Variants in LRRIQ1 observed in about 807,000 individuals in gnomAD.
The protein encoded by LRRIQ1 is leucine-rich repeat- and IQ domain-containing protein 1.
Under a neutral mutation model 211.9 loss-of-function variants are expected in LRRIQ1, and 210 were observed. The observed-to-expected ratio is 0.99, with a 90% CI of 0.89 to 1.11. LRRIQ1 has a LOEUF of 1.11. Among genes scored for constraint, LRRIQ1 ranks in the 50% most tolerant of loss-of-function variants. The pLI, the probability that LRRIQ1 is intolerant of heterozygous loss-of-function variation, is 0.00. For synonymous variants in LRRIQ1, 699 were observed against 650.1 expected (o/e 1.08, Z -1.14); for missense variants, 2,136 against 1,939.5 (o/e 1.10, Z -1.90).
At chr12:85,268,577 T>G (rs1896470617), downstream of LRRIQ1, among the ~76,000 whole-genome samples, 1 of 151,962 alleles carries the variant, frequency 6.6e-6, no homozygotes, top group Non-Finnish European at 1.5e-5. Flanking sequence ...GAGAAAATTT[T>G]AGCTGTATTA....
intron 23 of LRRIQ1, among the ~76,000 whole-genome samples, chr12:85,158,895 T>G (rs1377659226): frequency 1.3e-5 from 2 of 151,718 alleles, no homozygotes; most frequent in African/African-American, 2.4e-5. Context: ...TTTTATTTAT[T>G]TATTCATTTT....
chr12:85,126,315 C>T (rs1245172883), intron 17 of LRRIQ1, among the ~76,000 whole-genome samples: 1 of 152,080 alleles, frequency 6.6e-6, no homozygotes, highest in Non-Finnish European at 1.5e-5. Flanking sequence ...GTTCGTGAAA[C>T]TTGCATGTGT....
chr12:85,056,356 G>T lies in LRRIQ1; in HGVS notation c.1563G>T (p.Leu521=). 1 of 1,591,854 alleles carries T rather than the reference G, an allele frequency of 6.3e-7. No individual in the cohort carries two copies. The highest frequency in any genetic ancestry group is 8.5e-7 in the Non-Finnish European group (1 of 1,174,268). ...GAAACTCTGATCTAAAAGGAAATCT[G>T]AAAGAACAGTTTCCATTGCAAGAAT... ...ELGNSDLKGN[L]KEQFPLQELK... is the part of the protein sequence containing the mutation. Residue 521 remains leucine (L), a synonymous_variant, in exon 8 of 27, where the codon CTG becomes CTT. Coordinates refer to ENST00000393217, the MANE Select transcript of LRRIQ1 (RefSeq NM_001079910.2).
intron 19 of LRRIQ1, among the ~76,000 whole-genome samples, chr12:85,151,057 T>G (rs1011843050): frequency 6.6e-6 from 1 of 151,472 alleles, no homozygotes; most frequent in South Asian, 2.1e-4. Context: ...AAAAGAGCTC[T>G]TGAATTTATT....
chr12:85,257,041 T>A (rs11837882), intron 1 of LRRIQ1, among the ~76,000 whole-genome samples: 1 of 114,130 alleles, frequency 8.8e-6, no homozygotes, highest in African/African-American at 3.5e-5. Context: ...ATATATATTA[T>A]ATAATTATAT....
chr12:85,223,164 G>C (rs1424189297), intron 24 of LRRIQ1, among the ~76,000 whole-genome samples: 1 of 152,154 alleles, frequency 6.6e-6, no homozygotes, highest in Non-Finnish European at 1.5e-5. Context: ...TTAAGATAGA[G>C]GTTGGTGATA....
intron 7 of LRRIQ1, among the ~76,000 whole-genome samples, chr12:85,053,812 A>G (rs1304352195): frequency 3.9e-5 from 6 of 152,108 alleles, no homozygotes; most frequent in Admixed American, 1.3e-4. Context: ...GGTTCACGCC[A>G]TTCTCCTGCC....
intron 18 of LRRIQ1, among the ~76,000 whole-genome samples, chr12:85,130,223 A>G (rs1888655090): frequency 6.6e-6 from 1 of 152,214 alleles, no homozygotes; most frequent in Admixed American, 6.5e-5. Flanking sequence ...AGAACAGTGC[A>G]TAGGCAAACC....
At chr12:85,266,000 A>C (rs1896409796), downstream of LRRIQ1, among the ~76,000 whole-genome samples, 1 of 152,048 alleles carries the variant, frequency 6.6e-6, no homozygotes, top group African/African-American at 2.4e-5. Context: ...AAACATAGTG[A>C]ATATTATGAA....
intron 19 of LRRIQ1, among the ~76,000 whole-genome samples, chr12:85,151,148 T>C (rs193121958): frequency 1.2e-4 from 18 of 151,566 alleles, no homozygotes; most frequent in African/African-American, 4.1e-4. Flanking sequence ...TATATATATG[T>C]ATATGTTAAT....
intron 24 of LRRIQ1, among the ~76,000 whole-genome samples, chr12:85,176,534 T>C (rs930461444): frequency 3.6e-5 from 5 of 137,872 alleles, no homozygotes; most frequent in African/African-American, 1.1e-4. Flanking sequence ...TAGGTGGGAA[T>C]TGAACAATGA....
chr12:85,116,395 C>T (rs1301808141), intron 15 of LRRIQ1, among the ~76,000 whole-genome samples: 2 of 152,112 alleles, frequency 1.3e-5, no homozygotes, highest in African/African-American at 2.4e-5. Flanking sequence ...CCGCCCGCCT[C>T]GGCCTCCCAA....
rs758047410 is a variant in LRRIQ1 at position 85,065,349 on chromosome 12, C to T, written c.2479C>T (p.Arg827Cys). 56 of 1,610,774 alleles carry T rather than the reference C, an allele frequency of 3.5e-5. No individual in the cohort carries two copies. The highest frequency in any genetic ancestry group is 4.0e-5 in the African/African-American group (3 of 74,670). The stretch of plus-strand genomic sequence containing the variant: ...AAATCTTCAGTTTCTATCCCTTCGA[C>T]GCTGTGGATTAACTTCTTTGCACAG... ...CTNLQFLSLR[R>C]CGLTSLHSLS... The change falls in exon 9 of 27, where the codon CGC (arginine) becomes TGC (cysteine). Residue 827 changes from arginine to cysteine, a missense_variant. Transcript: ENST00000393217.
chr12:85,079,274 GAGTCTCACTCTGTCTCGGCTTACTGCA>G (rs1884015809), intron 11 of LRRIQ1, among the ~76,000 whole-genome samples: 1 of 135,408 alleles, frequency 7.4e-6, no homozygotes, highest in African/African-American at 2.9e-5. Context: ...TTTTGAGATG[GAGTCTCACTCTGTCTCGGCTTACTGCA>G]AGCTCCGCCT....
At chr12:85,169,667 C>T (rs1891317260) in intron 24 of LRRIQ1, among the ~76,000 whole-genome samples, 1 of 152,104 alleles carries the variant, frequency 6.6e-6, no homozygotes, top group Non-Finnish European at 1.5e-5. Context: ...AGAACCTTTC[C>T]CTGTAACACT....
chr12:85,215,179 A>C (rs780228575), intron 24 of LRRIQ1, among the ~76,000 whole-genome samples: 1 of 152,194 alleles, frequency 6.6e-6, no homozygotes, highest in South Asian at 2.1e-4. Context: ...ACAAGAACCA[A>C]TGAAACTCAT....
chr12:85,165,784 A>G (rs1398445232), intron 24 of LRRIQ1, among the ~76,000 whole-genome samples: 1 of 151,984 alleles, frequency 6.6e-6, no homozygotes, highest in Non-Finnish European at 1.5e-5. Context: ...GATGCATTTT[A>G]ATGGCTCCAT....
intron 15 of LRRIQ1, among the ~76,000 whole-genome samples, chr12:85,119,108 C>T (rs771494064): frequency 7.9e-5 from 12 of 152,124 alleles, no homozygotes; most frequent in Non-Finnish European, 1.0e-4. Flanking sequence ...CATGTATCCA[C>T]TATTGTAGTA....
intron 26 of LRRIQ1, among the ~76,000 whole-genome samples, chr12:85,243,078 A>C (rs1430105745): frequency 6.6e-6 from 1 of 151,408 alleles, no homozygotes; most frequent in Non-Finnish European, 1.5e-5. Context: ...TAAGGCTTAT[A>C]ATCTTAAAGC....
Sources: gnomAD v4.1 joint callset for allele counts (sites outside exome capture counted in the v4.1 genomes callset) on GRCh38, gnomAD v4.1.1 for gene constraint, MANE v1.5 for transcripts, NCBI Gene and HGNC (gene_info 2026-07-23, HGNC 2026-07-21) for gene names.